Variants in TFEC observed in about 807,000 individuals in gnomAD.
TFEC encodes the protein transcription factor EC, also known as class E basic helix-loop-helix protein 34.
In TFEC, 31 loss-of-function variants were observed where a neutral mutation model predicts 41.6. The ratio of observed to expected loss-of-function variants is 0.74; its 90% confidence interval spans 0.56 to 1.01. TFEC has a LOEUF of 1.01. Among genes scored for constraint, TFEC ranks in the 50% least tolerant of loss-of-function variants. The pLI is 0.00. For missense variants in TFEC, 402 were observed against 404.1 expected, an observed-to-expected ratio of 0.99 and a Z score of 0.04; for synonymous variants, 143 against 140.6, an observed-to-expected ratio of 1.02 and a Z score of -0.12.
At chr7:116,066,705 AATTTTTTTT>A (rs1202762780) in intron 3 of TFEC, among the ~76,000 whole-genome samples, 1 of 152,088 alleles carries the variant, frequency 6.6e-6, no homozygotes, top group Non-Finnish European at 1.5e-5. Flanking sequence ...ATACAATTAC[AATTTTTTTT>A]ATCTCTGGAC....
intron 3 of TFEC, among the ~76,000 whole-genome samples, chr7:115,964,570 AAG>A (rs1792745796): frequency 6.6e-6 from 1 of 151,594 alleles, no homozygotes; most frequent in Admixed American, 6.6e-5. Context: ...AAAAGAGAAA[AAG>A]AATCTATGAT....
Position 116,027,694 on chromosome 7 carries a change from AAAG to A in TFEC, c.-73+2936_-73+2938del, listed in dbSNP as rs548110780. ...GAAACATGTTTGTGCAAGAAAGAATAAAGAAGGGAATAAAGGGAGGTATAAAAG... is the reference window on the plus strand; with the variant it reads ...GAAACATGTTTGTGCAAGAAAGAATAAAGGGAATAAAGGGAGGTATAAAAG... On this transcript the variant is annotated intron_variant, in intron 1 of 7. Coordinates refer to ENST00000265440, the MANE Select transcript of TFEC (RefSeq NM_012252.4). 2.0e-3 allele frequency among the ~76,000 whole-genome samples: 302 copies of A among 152,304 alleles called. 2 individuals carry two copies. The highest frequency in any genetic ancestry group is 3.2e-3 in the Non-Finnish European group (217 of 68,030).
rs1584618370 is a variant in TFEC, at chr7:115,974,092, G to C, written c.267+78C>G. On this transcript the variant is annotated intron_variant, in intron 3 of 7. Coordinates refer to ENST00000265440, the MANE Select transcript of TFEC (RefSeq NM_012252.4). ...TTAAAAAGTGCAGAAAAAAGCACCA[G>C]TTGCTAATCAAATATTTTTATTATC... 21 of 1,186,408 alleles carry C rather than the reference G, an allele frequency of 1.8e-5. No individual in the cohort carries two copies. In the East Asian group the frequency reaches 5.6e-4, roughly 32 times the overall value. The allele number at this position is 1,186,408 out of a possible 1,614,324, so 73.5% of individuals were successfully genotyped here.
intron 1 of TFEC, among the ~76,000 whole-genome samples, chr7:116,145,645 C>A (rs1248183790): frequency 6.6e-6 from 1 of 152,156 alleles, no homozygotes; most frequent in African/African-American, 2.4e-5. Context: ...ATTATCAGGT[C>A]TCAAGGAGTT....
Position 115,941,855 on chromosome 7 carries a change from G to C in TFEC, c.663+38C>G, listed in dbSNP as rs371540650. Reference sequence around the variant, plus strand: ...AAAACTGATGACAGCTGAGTCATGTGTAAGCTATGTGACTCATGGCTACAT... The same window carrying C: ...AAAACTGATGACAGCTGAGTCATGTCTAAGCTATGTGACTCATGGCTACAT... On this transcript the variant is annotated intron_variant, in intron 7 of 7. Transcript: ENST00000265440. The C allele has an allele frequency of 2.5e-6, 4 of 1,606,936 alleles. No homozygotes were observed. In the African/African-American group the frequency reaches 5.4e-5, roughly 22 times the overall value.
Position 115,940,763 on chromosome 7 carries a change from G to C in TFEC, c.832C>G (p.Gln278Glu). Residue 278 changes from glutamine (Q) to glutamate (E), a missense_variant, in exon 8 of 8, where the codon CAA (glutamine) becomes GAA (glutamate). Gln to Glu is a conservative substitution (Grantham distance 29). Coordinates refer to ENST00000265440, the MANE Select transcript of TFEC (RefSeq NM_012252.4). The stretch of plus-strand genomic sequence containing the variant: ...AAAGGATCAGAAAAGGCTATAGCTT[G>C]ATCACAGAGCTCAGGGCTTGGCCCC... The part of the protein sequence containing the change: ...SQGPSPELCD[Q>E]AIAFSDPLSY... 6.2e-7 allele frequency: 1 copy of C among 1,613,442 alleles called. No individual in the cohort carries two copies. The highest frequency in any genetic ancestry group is 2.2e-5 in the East Asian group (1 of 44,828).
At chr7:116,067,204 A>G (rs1450248416) in intron 3 of TFEC, among the ~76,000 whole-genome samples, 1 of 151,974 alleles carries the variant, frequency 6.6e-6, no homozygotes, top group Non-Finnish European at 1.5e-5. Context: ...GAACATAAAA[A>G]CTTTTTATCT....
intron 3 of TFEC, among the ~76,000 whole-genome samples, chr7:116,108,820 G>A (rs1175050280): frequency 6.6e-6 from 1 of 152,080 alleles, no homozygotes; most frequent in African/African-American, 2.4e-5. Flanking sequence ...AACTTCATAA[G>A]CAGTTTTTGG....
chr7:116,031,785 A>T (rs1349093038), upstream of TFEC, among the ~76,000 whole-genome samples: 1 of 152,118 alleles, frequency 6.6e-6, no homozygotes, highest in Non-Finnish European at 1.5e-5. Context: ...AAGTAAAAAA[A>T]TTGTTCTGTC....
chr7:116,141,447 T>C (rs1417771459), intron 1 of TFEC, among the ~76,000 whole-genome samples: 1 of 152,238 alleles, frequency 6.6e-6, no homozygotes, highest in East Asian at 1.9e-4. Context: ...AATAGGTGTC[T>C]TTAGTCACCT....
At chr7:115,983,695 C>T (rs908672817) in intron 2 of TFEC, among the ~76,000 whole-genome samples, 10 of 152,036 alleles carry the variant, frequency 6.6e-5, no homozygotes, top group Non-Finnish European at 1.3e-4. Flanking sequence ...AAGCTAAATA[C>T]TCATTTATTT....
At chr7:116,043,777 G>A (rs1407076595) in intron 3 of TFEC, among the ~76,000 whole-genome samples, 1 of 152,080 alleles carries the variant, frequency 6.6e-6, no homozygotes, top group African/African-American at 2.4e-5. Context: ...GGTTAATAAT[G>A]GATTAACATA....
intron 6 of TFEC, among the ~76,000 whole-genome samples, chr7:115,943,224 G>T (rs959830502): frequency 2.0e-5 from 3 of 151,902 alleles, no homozygotes; most frequent in South Asian, 4.1e-4. Context: ...CCACTCACAG[G>T]GGGTGAGGGG....
At chr7:115,943,606 TC>T (rs532329673) in intron 6 of TFEC, among the ~76,000 whole-genome samples, 54 of 151,876 alleles carry the variant, frequency 3.6e-4, no homozygotes, top group Middle Eastern at 6.8e-3. Context: ...CTAGATTCTT[TC>T]CTATTTATTT....
At chr7:116,047,631 C>T (rs1182948318) in intron 3 of TFEC, among the ~76,000 whole-genome samples, 1 of 152,230 alleles carries the variant, frequency 6.6e-6, no homozygotes, top group African/African-American at 2.4e-5. Context: ...ACCTCCCTGT[C>T]TGACAGCTTT....
intron 1 of TFEC, among the ~76,000 whole-genome samples, chr7:116,150,649 T>TA (rs1461829684): frequency 6.6e-6 from 1 of 152,128 alleles, no homozygotes; most frequent in Non-Finnish European, 1.5e-5. Flanking sequence ...ACTCTTCAAA[T>TA]AAAATGCTTG....
intron 3 of TFEC, among the ~76,000 whole-genome samples, chr7:116,039,657 A>G (rs1035163323): frequency 3.3e-5 from 5 of 152,098 alleles, no homozygotes; most frequent in African/African-American, 4.8e-5. Flanking sequence ...TTATTATTAA[A>G]GAAATAAAAC....
chr7:116,144,115 G>A (rs1798594595), intron 1 of TFEC, among the ~76,000 whole-genome samples: 2 of 152,034 alleles, frequency 1.3e-5, no homozygotes, highest in African/African-American at 4.8e-5. Context: ...CTACTCAGGA[G>A]GCTGAGGCAG....
At chr7:116,119,780 T>C (rs1798070404) in intron 1 of TFEC, among the ~76,000 whole-genome samples, 1 of 151,800 alleles carries the variant, frequency 6.6e-6, no homozygotes, top group Non-Finnish European at 1.5e-5. Context: ...ATCAGAGATA[T>C]GGCTTAGGTT....
Sources: gnomAD v4.1 joint callset for allele counts (sites outside exome capture counted in the v4.1 genomes callset) on GRCh38, gnomAD v4.1.1 for gene constraint, MANE v1.5 for transcripts, NCBI Gene and HGNC (gene_info 2026-07-23, HGNC 2026-07-21) for gene names.